Variants in WNT7B observed in about 807,000 individuals in gnomAD.
WNT7B encodes Wnt family member 7B.
WNT7B carries 19 observed loss-of-function variants against 38.2 expected under a neutral mutation model. That is an observed-to-expected ratio of 0.50 (90% CI 0.35 to 0.73). The LOEUF is 0.73. Among genes scored for constraint, WNT7B ranks in the 30% least tolerant of loss-of-function variants. The probability of loss-of-function intolerance (pLI) is 0.01; values close to 1 mark genes in which losing one functional copy is unlikely to be tolerated. For missense variants in WNT7B, 423 were observed against 507.9 expected, an observed-to-expected ratio of 0.83 and a Z score of 1.61; for synonymous variants, 243 against 209.3, an observed-to-expected ratio of 1.16 and a Z score of -1.39.
chr22:45,972,996 A>T (rs544559663), intron 1 of WNT7B, among the ~76,000 whole-genome samples: 42 of 152,362 alleles, frequency 2.8e-4, no homozygotes, highest in Non-Finnish European at 4.6e-4. Flanking sequence ...TGTGGGTCGC[A>T]CACAGGCACT....
intron 1 of WNT7B, among the ~76,000 whole-genome samples, chr22:45,956,440 C>T (rs1932063404): frequency 6.6e-6 from 1 of 152,172 alleles, no homozygotes; most frequent in Non-Finnish European, 1.5e-5. Context: ...GATCAGGGAC[C>T]AGCTTCATCT....
chr22:45,944,820 C>T lies in WNT7B; in HGVS notation c.298+5100G>A, dbSNP rs114933464. On this transcript the variant is annotated intron_variant, in intron 2 of 3. Transcript: ENST00000339464. Reference sequence around the variant, plus strand: ...ATGAAGGTGGCTGCCCTCCCACCCCCGCGCTGACTGTCCTCCGAAAACGGC... The same window carrying T: ...ATGAAGGTGGCTGCCCTCCCACCCCTGCGCTGACTGTCCTCCGAAAACGGC... 7.8e-3 allele frequency among the ~76,000 whole-genome samples: 1,192 copies of T among 152,336 alleles called. 20 individuals carry two copies. The highest frequency in any genetic ancestry group is 0.028 in the African/African-American group (1,146 of 41,576).
At chr22:45,925,054 C>G (rs1693966753) in intron 3 of WNT7B, 1 of 973,508 alleles carries the variant, frequency 1.0e-6, no homozygotes, top group Non-Finnish European at 1.2e-6. Context: ...CAGGTGGGTG[C>G]TGGGTGGGCC....
intron 3 of WNT7B, among the ~76,000 whole-genome samples, chr22:45,924,238 C>T (rs1234263678): frequency 6.6e-6 from 1 of 152,232 alleles, no homozygotes; most frequent in Non-Finnish European, 1.5e-5. Context: ...CTCTGTCCCT[C>T]GGGCCAGAAC....
At chr22:45,929,527 TC>T (rs1025204923) in intron 3 of WNT7B, among the ~76,000 whole-genome samples, 7 of 132,070 alleles carry the variant, frequency 5.3e-5, no homozygotes, top group African/African-American at 2.0e-4. Flanking sequence ...CGTCCATCTT[TC>T]CACCCACTCA....
At chr22:45,934,910 C>T (rs574725928) in intron 2 of WNT7B, among the ~76,000 whole-genome samples, 8 of 152,220 alleles carry the variant, frequency 5.3e-5, no homozygotes, top group Admixed American at 4.6e-4. Flanking sequence ...CGGCGAGAGT[C>T]GCTGCCGTGG....
intron 3 of WNT7B, chr22:45,926,803 G>A (rs1169178918): frequency 4.1e-6 from 4 of 985,316 alleles, no homozygotes; most frequent in Non-Finnish European, 4.8e-6. Flanking sequence ...GGCCTCGAGT[G>A]AAGTTACATC....
chr22:45,938,003 C>T (rs951441784), intron 2 of WNT7B, among the ~76,000 whole-genome samples: 25 of 150,580 alleles, frequency 1.7e-4, no homozygotes, highest in East Asian at 5.8e-4. Flanking sequence ...AGCGAGACTC[C>T]GTCTAAAAAA....
At chr22:45,956,163 C>T (rs1932056080) in intron 1 of WNT7B, among the ~76,000 whole-genome samples, 1 of 152,208 alleles carries the variant, frequency 6.6e-6, no homozygotes, top group Non-Finnish European at 1.5e-5. Flanking sequence ...CCTGGGGTGC[C>T]TGAGTCTGCA....
chr22:45,927,415 C>T (rs763417860), intron 3 of WNT7B: 45 of 1,537,968 alleles, frequency 2.9e-5, no homozygotes, highest in Non-Finnish European at 3.8e-5. Flanking sequence ...TCAGGGACAC[C>T]AGCCTGGGCC....
intron 2 of WNT7B, among the ~76,000 whole-genome samples, chr22:45,940,792 A>G (rs543973365): frequency 3.9e-5 from 6 of 152,260 alleles, no homozygotes; most frequent in African/African-American, 1.4e-4. Flanking sequence ...TCAGGAAGGG[A>G]TGCTGAAGGT....
At chr22:45,940,523 C>T (rs1003579721) in intron 2 of WNT7B, among the ~76,000 whole-genome samples, 2 of 152,238 alleles carry the variant, frequency 1.3e-5, no homozygotes, top group African/African-American at 4.8e-5. Context: ...GCACCAAGTA[C>T]AGCCTCCCTC....
At position 45,940,564 on chromosome 22, in the gene WNT7B, A is replaced by G. The variant is rs553955167; in HGVS notation, c.299-9195T>C. On this transcript the variant is annotated intron_variant, in intron 2 of 3. Coordinates refer to ENST00000339464, the MANE Select transcript of WNT7B (RefSeq NM_058238.3). ...TGGACCTCCCAGAATCCCAGGGGTG[A>G]GGCTCTCAGCCTCCCATCCATCAAG... Among the ~76,000 whole-genome samples, 5 of 152,308 alleles carry G rather than the reference A, an allele frequency of 3.3e-5. No homozygotes were observed. The South Asian group carries it at 1.0e-3, about 32-fold the overall frequency.
chr22:45,923,459 G>T, intron 3 of WNT7B, 124 bp from the exon 4 acceptor site: 1 of 1,379,768 alleles, frequency 7.2e-7, no homozygotes, highest in Non-Finnish European at 9.6e-7. Context: ...GTGACCACAG[G>T]TGAGTGTCTC....
At chr22:45,950,242 G>A (rs1222765331) in intron 1 of WNT7B, 96 bp from the exon 2 acceptor site, 2 of 1,049,558 alleles carry the variant, frequency 1.9e-6, no homozygotes, top group Non-Finnish European at 2.8e-6. Flanking sequence ...TCAGTCACAG[G>A]CCCTGCACTA....
At chr22:45,939,632 A>AACACAC (rs56152359) in intron 2 of WNT7B, among the ~76,000 whole-genome samples, 9,883 of 144,720 alleles carry the variant, frequency 0.068, 448 homozygotes, top group East Asian at 0.16. Context: ...TGTCTCTACA[A>AACACAC]ACACACACAC....
chr22:45,964,343 C>T (rs540498862), intron 1 of WNT7B, among the ~76,000 whole-genome samples: 19 of 152,246 alleles, frequency 1.2e-4, no homozygotes, highest in South Asian at 2.1e-4. Context: ...GCTACCAAGG[C>T]GGGTGACAAC....
At position 45,951,218 on chromosome 22, in the gene WNT7B, A is replaced by T. The variant is rs572485661; in HGVS notation, c.72-1072T>A. Among the ~76,000 whole-genome samples the T allele has an allele frequency of 1.3e-5, 2 of 152,098 alleles. No individual in the cohort carries two copies. The highest frequency in any genetic ancestry group is 3.9e-4 in the East Asian group (2 of 5,188). ...TTAGCCTCCCGAGTAGCTGTACTACAGTTGCCCACCACCACACCCGGCTAA... is the reference window on the plus strand; with the variant it reads ...TTAGCCTCCCGAGTAGCTGTACTACTGTTGCCCACCACCACACCCGGCTAA... On this transcript the variant is annotated intron_variant, in intron 1 of 3. Coordinates refer to ENST00000339464, the MANE Select transcript of WNT7B (RefSeq NM_058238.3). This position sits in a 1 kb window ranked among gnomAD's most constrained non-coding sequence, Gnocchi z 4.8.
At chr22:45,927,224 G>T (rs1931113369) in intron 3 of WNT7B, 1 of 985,416 alleles carries the variant, frequency 1.0e-6, no homozygotes, top group Non-Finnish European at 1.2e-6. Context: ...TGGGCACTCA[G>T]GTCTCCAAAA....
Sources: allele counts gnomAD v4.1 joint callset (sites outside exome capture counted in the v4.1 genomes callset), GRCh38; gene constraint gnomAD v4.1.1; non-coding constraint Gnocchi (gnomAD v3.1); transcripts MANE v1.5; gene names NCBI Gene and HGNC (gene_info 2026-07-23, HGNC 2026-07-21).